The following MITF variants were observed in gnomAD, a reference collection of about 807,000 sequenced individuals.
The protein encoded by MITF is microphthalmia-associated transcription factor.
Under a neutral mutation model 60.5 loss-of-function variants are expected in MITF, and 17 were observed. That is an observed-to-expected ratio of 0.28 (90% CI 0.19 to 0.42). MITF has a LOEUF of 0.42. Ranked by LOEUF, MITF falls within the 10% of genes least tolerant of loss-of-function variation. MITF has a pLI of 1.00. For missense variants in MITF, 622 were observed against 683.5 expected, an observed-to-expected ratio of 0.91 and a Z score of 1.00; for synonymous variants, 260 against 248.5, an observed-to-expected ratio of 1.05 and a Z score of -0.43.
rs753953309 is a variant in MITF at position 69,766,376 on chromosome 3, ATT to A, written c.104+26704_104+26705del. On this transcript the variant is annotated intron_variant, in intron 1 of 9. Coordinates refer to ENST00000352241, the MANE Select transcript of MITF (RefSeq NM_001354604.2). ...AGGTGTGCACCACCATGCCCAGCTA[ATT>A]TTTTTTTTTTTTTTTTTTTTTTTTT... Among the ~76,000 whole-genome samples the A allele has an allele frequency of 2.1e-3, 200 of 95,094 alleles. 1 individual carries two copies. Among genetic ancestry groups the A allele is most frequent in the African/African-American group, 8.5e-3 (187 of 22,018 alleles). The allele number at this position is 95,094 out of a possible 152,430, so 62.4% of individuals were successfully genotyped here.
At chr3:69,857,398 T>C (rs1030390805) in intron 1 of MITF, among the ~76,000 whole-genome samples, 1 of 152,070 alleles carries the variant, frequency 6.6e-6, no homozygotes, top group Non-Finnish European at 1.5e-5. Flanking sequence ...TGTTTAATAA[T>C]AAACATGGGG....
rs1371807416 is a variant in MITF at position 69,953,660 on chromosome 3, TATAGAG to T, written c.955+1776_955+1781del. ...ATATATATGTATGTATATATATATA[TATAGAG>T]AGAGAGAGAGAGAGAGAGAGAGACA... On this transcript the variant is annotated intron_variant, in intron 7 of 9. Coordinates refer to ENST00000352241, the MANE Select transcript of MITF (RefSeq NM_001354604.2). 3.2e-4 allele frequency among the ~76,000 whole-genome samples: 44 copies of T among 135,756 alleles called. 1 individual carries two copies. The East Asian group carries it at 7.8e-3, about 24-fold the overall frequency. 89.1% of individuals were successfully genotyped at this position (135,756 alleles called of 152,430 possible). A position where few individuals can be genotyped will look rare whatever the true frequency, so the allele number is the denominator to read the frequency against.
intron 1 of MITF, among the ~76,000 whole-genome samples, chr3:69,751,305 G>C (rs1453546642): frequency 1.3e-5 from 2 of 152,150 alleles, no homozygotes; most frequent in Non-Finnish European, 1.5e-5. Flanking sequence ...AAACAGAGAG[G>C]TGGAATGGAT....
chr3:69,829,689 CA>C (rs2063414069), intron 1 of MITF, among the ~76,000 whole-genome samples: 4 of 152,000 alleles, frequency 2.6e-5, no homozygotes, highest in Admixed American at 2.0e-4. Flanking sequence ...CACACACACA[CA>C]CACACACCAA....
chr3:69,766,131 T>C (rs564236425), intron 1 of MITF, among the ~76,000 whole-genome samples: 92 of 152,320 alleles, frequency 6.0e-4, no homozygotes, highest in African/African-American at 2.1e-3. Context: ...TATCATGAGA[T>C]TGTAATTTAA....
At chr3:69,853,672 C>A (rs543546347) in intron 1 of MITF, among the ~76,000 whole-genome samples, 4 of 151,986 alleles carry the variant, frequency 2.6e-5, no homozygotes, top group African/African-American at 4.8e-5. Context: ...CTTTTAGAAT[C>A]GTTGACTACA....
chr3:69,918,158 G>T (rs771288607), intron 2 of MITF, among the ~76,000 whole-genome samples: 3 of 151,944 alleles, frequency 2.0e-5, no homozygotes, highest in Non-Finnish European at 4.4e-5. Flanking sequence ...TCCACCTCCC[G>T]GGTTCAAGTG....
chr3:69,922,853 C>G (rs537581494), intron 2 of MITF, among the ~76,000 whole-genome samples: 6 of 152,246 alleles, frequency 3.9e-5, no homozygotes, highest in Middle Eastern at 3.4e-3. Flanking sequence ...AAGAAAGAAA[C>G]AAACCCTCAA....
chr3:69,855,107 G>A (rs2063893237), intron 1 of MITF, among the ~76,000 whole-genome samples: 1 of 150,936 alleles, frequency 6.6e-6, no homozygotes, highest in South Asian at 2.1e-4. Context: ...CGCCCCCCAG[G>A]GACTACTTTT....
chr3:69,921,856 G>A (rs2065474460), intron 2 of MITF, among the ~76,000 whole-genome samples: 2 of 152,150 alleles, frequency 1.3e-5, no homozygotes, highest in Admixed American at 1.3e-4. Context: ...ACACTGGGAC[G>A]AAAGAGTCTT....
intron 9 of MITF, among the ~76,000 whole-genome samples, chr3:69,961,105 G>A (rs1487105980): frequency 1.3e-5 from 2 of 152,118 alleles, no homozygotes; most frequent in East Asian, 3.9e-4. Flanking sequence ...CAGCTTGTGG[G>A]CCGGGCACGT....
intron 2 of MITF, 37 bp downstream of exon 2, chr3:69,879,420 C>T (rs1352599452): frequency 1.2e-6 from 2 of 1,613,852 alleles, no homozygotes; most frequent in African/African-American, 2.7e-5. Flanking sequence ...GGACCAAACT[C>T]TCTTCCATTT....
At chr3:69,846,860 C>T (rs2082173) in intron 1 of MITF, among the ~76,000 whole-genome samples, 4 of 150,214 alleles carry the variant, frequency 2.7e-5, no homozygotes, top group South Asian at 4.2e-4. Context: ...TCTCAAAAGC[C>T]GGATCTTAGC....
At chr3:69,791,216 A>G (rs1369167273) in intron 1 of MITF, among the ~76,000 whole-genome samples, 1 of 152,202 alleles carries the variant, frequency 6.6e-6, no homozygotes, top group African/African-American at 2.4e-5. Flanking sequence ...AATCAGGGAA[A>G]TGCTGTGATT....
At position 69,790,146 on chromosome 3, in the gene MITF, G is replaced by A. The variant is rs193294673; in HGVS notation, c.104+50445G>A. On this transcript the variant is annotated intron_variant, in intron 1 of 9. Coordinates refer to ENST00000352241, the MANE Select transcript of MITF (RefSeq NM_001354604.2). Reference sequence around the variant, plus strand: ...TGCTACAACATAGATGAATCTTTAGGACATTATAGTAAGTTAAGTAAGCCA... The same window carrying A: ...TGCTACAACATAGATGAATCTTTAGAACATTATAGTAAGTTAAGTAAGCCA... Among the ~76,000 whole-genome samples, 4 of 152,132 alleles carry A rather than the reference G, an allele frequency of 2.6e-5. No homozygotes were observed. The East Asian group carries it at 7.7e-4, about 29-fold the overall frequency.
chr3:69,798,220 C>T (rs2062861599), intron 1 of MITF, among the ~76,000 whole-genome samples: 1 of 152,210 alleles, frequency 6.6e-6, no homozygotes, highest in Non-Finnish European at 1.5e-5. Context: ...GTTCCTGGCT[C>T]TATAGTAGCT....
chr3:69,935,597 C>T lies in MITF; in HGVS notation c.355-2225C>T, dbSNP rs528095278. On this transcript the variant is annotated intron_variant, in intron 2 of 9. Coordinates refer to ENST00000352241, the MANE Select transcript of MITF (RefSeq NM_001354604.2). ...AAACAATATGAGATTGTCAACCTAA[C>T]GGACTGCATTATCCTGGGCATTTAG... Among the ~76,000 whole-genome samples the T allele has an allele frequency of 7.2e-5, 11 of 152,244 alleles. No individual in the cohort carries two copies. In the South Asian group the frequency reaches 8.3e-4, roughly 11 times the overall value.
intron 4 of MITF, among the ~76,000 whole-genome samples, chr3:69,939,947 C>T (rs1177741294): frequency 6.6e-6 from 1 of 152,086 alleles, no homozygotes; most frequent in African/African-American, 2.4e-5. Context: ...TAAAGACAAA[C>T]AAAACAAATA....
intron 2 of MITF, among the ~76,000 whole-genome samples, chr3:69,932,299 G>A (rs570202429): frequency 6.6e-6 from 1 of 152,164 alleles, no homozygotes; most frequent in Non-Finnish European, 1.5e-5. Context: ...AATGGGTGTG[G>A]CTGTGTTCTG....
Sources: allele counts gnomAD v4.1 joint callset (sites outside exome capture counted in the v4.1 genomes callset), GRCh38; gene constraint gnomAD v4.1.1; transcripts MANE v1.5; gene names NCBI Gene and HGNC (gene_info 2026-07-23, HGNC 2026-07-21).